The following DPYD variants were observed in gnomAD, a reference collection of about 807,000 sequenced individuals.
The protein encoded by DPYD is dihydropyrimidine dehydrogenase [NADP(+)].
A neutral mutation model predicts 116.2 loss-of-function variants in DPYD; 109 were observed. The observed-to-expected ratio is 0.94, with a 90% CI of 0.80 to 1.10. The LOEUF (loss-of-function observed/expected upper bound fraction) is 1.10, where lower values mean the gene tolerates loss of function less well. Ranked by LOEUF, DPYD falls within the 50% of genes least tolerant of loss-of-function variation. The pLI is 0.00. For missense variants in DPYD, 1,302 were observed against 1,254.5 expected, an observed-to-expected ratio of 1.04 and a Z score of -0.57; for synonymous variants, 440 against 432.0, an observed-to-expected ratio of 1.02 and a Z score of -0.23.
chr1:97,299,787 G>A (rs1366137945), intron 18 of DPYD, among the ~76,000 whole-genome samples: 1 of 152,066 alleles, frequency 6.6e-6, no homozygotes, highest in Non-Finnish European at 1.5e-5. Flanking sequence ...GAAGATTTGT[G>A]TAGGGCAGGT....
At chr1:97,397,786 C>A (rs1222032867) in intron 14 of DPYD, among the ~76,000 whole-genome samples, 1 of 151,980 alleles carries the variant, frequency 6.6e-6, no homozygotes, top group Non-Finnish European at 1.5e-5. Context: ...GGTTACTTCC[C>A]AGTTTGGGCA....
intron 14 of DPYD, among the ~76,000 whole-genome samples, chr1:97,390,769 A>T (rs1672646761): frequency 6.6e-6 from 1 of 151,972 alleles, no homozygotes; most frequent in Non-Finnish European, 1.5e-5. Context: ...GATGTTTTCC[A>T]ACACAACAGG....
At chr1:97,290,276 A>T (rs1666046789) in intron 18 of DPYD, among the ~76,000 whole-genome samples, 2 of 152,084 alleles carry the variant, frequency 1.3e-5, no homozygotes, top group Non-Finnish European at 2.9e-5. Context: ...TAATTTACAG[A>T]TTCAATGCCA....
At chr1:97,403,092 A>G (rs746296222) in intron 14 of DPYD, among the ~76,000 whole-genome samples, 4 of 152,078 alleles carry the variant, frequency 2.6e-5, no homozygotes, top group African/African-American at 7.2e-5. Flanking sequence ...GTTTGCTGTC[A>G]GTGCAATTAT....
intron 7 of DPYD, among the ~76,000 whole-genome samples, chr1:97,683,612 A>G (rs1660549486): frequency 6.6e-6 from 1 of 152,052 alleles, no homozygotes. Flanking sequence ...AAAAATATGT[A>G]TTTCTATTTA....
chr1:97,244,536 G>A (rs1327203445), intron 18 of DPYD, among the ~76,000 whole-genome samples: 2 of 151,952 alleles, frequency 1.3e-5, no homozygotes, highest in Non-Finnish European at 2.9e-5. Context: ...CTGAATTAAG[G>A]ACATTATTGC....
intron 2 of DPYD, among the ~76,000 whole-genome samples, chr1:97,829,483 T>A (rs890320789): frequency 6.6e-6 from 1 of 152,164 alleles, no homozygotes; most frequent in African/African-American, 2.4e-5. Context: ...ATTAAAAGTA[T>A]CCTCTTCTGT....
intron 19 of DPYD, among the ~76,000 whole-genome samples, chr1:97,201,948 C>A (rs1184703500): frequency 1.3e-5 from 2 of 148,904 alleles, no homozygotes; most frequent in Admixed American, 1.3e-4. Flanking sequence ...TTCCAGCATT[C>A]AGCAGAATAC....
chr1:97,099,497 C>T (rs1468355622), intron 20 of DPYD, among the ~76,000 whole-genome samples: 1 of 152,054 alleles, frequency 6.6e-6, no homozygotes, highest in South Asian at 2.1e-4. Context: ...TTGTCCTTCC[C>T]CTCTTCTAGA....
rs1557938273 is a variant in DPYD at position 97,206,680 on chromosome 1, ATATATAT to A, written c.2443-13439_2443-13433del. On this transcript the variant is annotated intron_variant, in intron 19 of 22. Transcript: ENST00000370192. ...TATATATATATATATATATATATAT[ATATATAT>A]AATCTATATGCTTATAATGCATATG... Among the ~76,000 whole-genome samples the A allele has an allele frequency of 9.3e-3, 809 of 87,296 alleles. 37 individuals carry two copies. Among genetic ancestry groups the A allele is most frequent in the East Asian group, 0.047 (65 of 1,376 alleles). The allele number at this position is 87,296 out of a possible 152,430, so 57.3% of individuals were successfully genotyped here.
rs542751698 is a variant in DPYD at position 97,880,731 on chromosome 1, T to G, written c.150+2533A>C. Among the ~76,000 whole-genome samples, 9 of 152,104 alleles carry G rather than the reference T, an allele frequency of 5.9e-5. No individual in the cohort carries two copies. In the South Asian group the frequency reaches 1.9e-3, roughly 32 times the overall value. On this transcript the variant is annotated intron_variant, in intron 2 of 22. Transcript: ENST00000370192. ...TATAATCAATATTAATATTTCATTT[T>G]TTTGTTCTTTTGTGCATATATATAT... is the stretch of plus-strand genomic sequence containing the variant.
chr1:97,157,767 G>A (rs536518618), intron 20 of DPYD, among the ~76,000 whole-genome samples: 2 of 151,974 alleles, frequency 1.3e-5, no homozygotes, highest in African/African-American at 4.8e-5. Flanking sequence ...AAGTTGTACC[G>A]ACATTCCCAT....
intron 13 of DPYD, among the ~76,000 whole-genome samples, chr1:97,464,820 A>T (rs1164693878): frequency 1.3e-5 from 2 of 152,184 alleles, no homozygotes; most frequent in Non-Finnish European, 2.9e-5. Flanking sequence ...GCAGAAGGGA[A>T]ATGTGACATC....
intron 3 of DPYD, among the ~76,000 whole-genome samples, chr1:97,818,048 A>T (rs528776030): frequency 4.3e-4 from 66 of 152,120 alleles, no homozygotes; most frequent in Admixed American, 4.0e-3. Flanking sequence ...CAATCTTTTG[A>T]TACTAAGGGG....
chr1:97,383,108 T>C (rs1440755915), intron 14 of DPYD, among the ~76,000 whole-genome samples: 3 of 152,190 alleles, frequency 2.0e-5, no homozygotes, highest in African/African-American at 7.2e-5. Flanking sequence ...TGTCACTTAC[T>C]TGTGGCCCTG....
intron 12 of DPYD, among the ~76,000 whole-genome samples, chr1:97,525,083 T>C (rs1570897795): frequency 6.6e-6 from 1 of 152,198 alleles, no homozygotes; most frequent in Non-Finnish European, 1.5e-5. Flanking sequence ...TTTCCAAATA[T>C]ATTACGTTTC....
At chr1:97,624,724 T>C (rs1323306580) in intron 8 of DPYD, among the ~76,000 whole-genome samples, 1 of 151,962 alleles carries the variant, frequency 6.6e-6, no homozygotes, top group Non-Finnish European at 1.5e-5. Context: ...TAAGTATCTA[T>C]CAACAGATAA....
Position 97,193,243 on chromosome 1 carries a change from G to A in DPYD, c.2448C>T (p.Cys816=). 1.2e-6 allele frequency: 2 copies of A among 1,613,254 alleles called. No individual in the cohort carries two copies. The highest frequency in any genetic ancestry group is 2.2e-5 in the East Asian group (1 of 44,754). ...TGAAATCCTGATTCTGAATGGCACT[G>A]CATACCTAGAAAAGACAGAGCAGTC... ...LHSGASVLQV[C]SAIQNQDFTV... The change falls in exon 20 of 23, where the codon TGC becomes TGT. Residue 816 remains cysteine, a synonymous_variant. Coordinates refer to ENST00000370192, the MANE Select transcript of DPYD (RefSeq NM_000110.4).
chr1:97,306,138 T>C, intron 17 of DPYD, 39 bp downstream of exon 17: 1 of 1,611,446 alleles, frequency 6.2e-7, no homozygotes, highest in Non-Finnish European at 8.5e-7. Flanking sequence ...TGGGCCAATA[T>C]TTACAATAGC....
Sources: gnomAD v4.1 joint callset for allele counts (sites outside exome capture counted in the v4.1 genomes callset) on GRCh38, gnomAD v4.1.1 for gene constraint, MANE v1.5 for transcripts, NCBI Gene and HGNC (gene_info 2026-07-23, HGNC 2026-07-21) for gene names.